Variants in SDK1 observed in about 807,000 individuals in gnomAD.
SDK1 encodes the protein protein sidekick-1.
SDK1 carries 157 observed loss-of-function variants against 245.5 expected under a neutral mutation model. The ratio of observed to expected loss-of-function variants is 0.64; its 90% CI spans 0.56 to 0.73. SDK1 has a LOEUF of 0.73. Ranked by LOEUF, SDK1 falls within the 30% of genes least tolerant of loss-of-function variation. The pLI is 0.00. For missense variants in SDK1, 3,583 were observed against 3,002.3 expected, an observed-to-expected ratio of 1.19 and a Z score of -4.52; for synonymous variants, 1,647 against 1,278.5, an observed-to-expected ratio of 1.29 and a Z score of -6.15.
At chr7:4,096,082 T>C (rs1020501506) in intron 22 of SDK1, among the ~76,000 whole-genome samples, 1 of 152,264 alleles carries the variant, frequency 6.6e-6, no homozygotes, top group African/African-American at 2.4e-5. Flanking sequence ...GCGTCCACTT[T>C]CCTGTGCATG....
rs528584823 is a variant in SDK1, at chr7:4,140,991, G to A, written c.4229-4731G>A. Among the ~76,000 whole-genome samples the A allele has an allele frequency of 8.5e-5, 13 of 152,318 alleles. No individual in the cohort carries two copies. In the East Asian group the frequency reaches 2.3e-3, roughly 27 times the overall value. Reference sequence around the variant, plus strand: ...CCAAGAGATGAGAACTGAGAGTCAGGCAGAGATTAGAATTTGCCTGAGGGC... The same window carrying A: ...CCAAGAGATGAGAACTGAGAGTCAGACAGAGATTAGAATTTGCCTGAGGGC... On this transcript the variant is annotated intron_variant, in intron 28 of 44. Transcript: ENST00000404826.
At chr7:4,214,694 G>C (rs192030550) in intron 38 of SDK1, among the ~76,000 whole-genome samples, 86 of 152,264 alleles carry the variant, frequency 5.6e-4, no homozygotes, top group African/African-American at 2.0e-3. Flanking sequence ...TCCAGACTTC[G>C]GATTCCTGCA....
intron 4 of SDK1, among the ~76,000 whole-genome samples, chr7:3,776,961 A>G (rs2115006721): frequency 6.6e-6 from 1 of 152,266 alleles, no homozygotes; most frequent in East Asian, 1.9e-4. Context: ...ATCCAGGAAG[A>G]AAGATCTGTT....
intron 4 of SDK1, among the ~76,000 whole-genome samples, chr7:3,708,368 C>A (rs28769868): frequency 1.6e-3 from 39 of 24,720 alleles, no homozygotes; most frequent in African/African-American, 6.5e-3. Context: ...CAGTTACCTC[C>A]CACCAGGCCC....
At chr7:3,929,061 G>C (rs1001206702) in intron 5 of SDK1, among the ~76,000 whole-genome samples, 2 of 152,244 alleles carry the variant, frequency 1.3e-5, no homozygotes, top group African/African-American at 4.8e-5. Context: ...CCTTCCCCAT[G>C]TCAACTCTAG....
At chr7:4,207,545 A>G (rs543251189) in intron 36 of SDK1, among the ~76,000 whole-genome samples, 1 of 152,028 alleles carries the variant, frequency 6.6e-6, no homozygotes, top group Non-Finnish European at 1.5e-5. Flanking sequence ...GTTGTTTTTG[A>G]TTGCTTTAAT....
intron 1 of SDK1, among the ~76,000 whole-genome samples, chr7:3,461,507 T>A (rs1780829725): frequency 6.6e-6 from 1 of 152,150 alleles, no homozygotes; most frequent in African/African-American, 2.4e-5. Context: ...AAGAAAATCC[T>A]GAGAACAGAG....
At position 4,173,123 on chromosome 7, in the gene SDK1, C is replaced by T. The variant is rs16871138; in HGVS notation, c.4801-1099C>T. On this transcript the variant is annotated intron_variant, in intron 32 of 44. Coordinates refer to ENST00000404826, the MANE Select transcript of SDK1 (RefSeq NM_152744.4). ...GGGTGCCTCACAGTGAGCCCGACAC[C>T]GGAAGTTCTGTGCACATCCGTCCTC... Among the ~76,000 whole-genome samples, 99 of 152,348 alleles carry T rather than the reference C, an allele frequency of 6.5e-4. 1 individual carries two copies. The East Asian group carries it at 0.016, about 24-fold the overall frequency.
chr7:4,064,080 G>T (rs1208366540), intron 19 of SDK1, among the ~76,000 whole-genome samples: 1 of 152,030 alleles, frequency 6.6e-6, no homozygotes. Context: ...TAGACAAATG[G>T]GACTATATCA....
At chr7:4,238,276 CA>C (rs1213869934) in intron 42 of SDK1, among the ~76,000 whole-genome samples, 1 of 151,776 alleles carries the variant, frequency 6.6e-6, no homozygotes, top group Non-Finnish European at 1.5e-5. Flanking sequence ...GGCGGGGTTT[CA>C]CCATGTTGGC....
chr7:3,520,438 A>G (rs1782899623), intron 1 of SDK1, among the ~76,000 whole-genome samples: 1 of 152,196 alleles, frequency 6.6e-6, no homozygotes, highest in South Asian at 2.1e-4. Context: ...CTCTGTACAC[A>G]GCTGTCGAAC....
intron 4 of SDK1, among the ~76,000 whole-genome samples, chr7:3,812,880 A>C (rs1779419333): frequency 6.6e-6 from 1 of 152,204 alleles, no homozygotes; most frequent in African/African-American, 2.4e-5. Flanking sequence ...ATTAATGAAC[A>C]CAACTCAGCT....
At chr7:3,414,810 A>G (rs1361192093) in intron 1 of SDK1, among the ~76,000 whole-genome samples, 1 of 152,110 alleles carries the variant, frequency 6.6e-6, no homozygotes, top group Non-Finnish European at 1.5e-5. Flanking sequence ...ATTTTTACAA[A>G]TGGAGTCATA....
At chr7:3,311,528 A>G (rs915967616) in intron 1 of SDK1, among the ~76,000 whole-genome samples, 3 of 152,214 alleles carry the variant, frequency 2.0e-5, no homozygotes, top group Non-Finnish European at 4.4e-5. Flanking sequence ...AGTGACAAAA[A>G]TGATCTTAAA....
chr7:3,619,303 C>T, intron 2 of SDK1, 64 bp downstream of exon 2: 1 of 1,417,630 alleles, frequency 7.1e-7, no homozygotes, highest in Non-Finnish European at 9.9e-7. Flanking sequence ...ACTTGCCTTA[C>T]TGGTCATAAT....
chr7:3,419,611 T>G (rs1779481962), intron 1 of SDK1, among the ~76,000 whole-genome samples: 1 of 152,242 alleles, frequency 6.6e-6, no homozygotes, highest in Admixed American at 6.5e-5. Flanking sequence ...GCCTTTTGAA[T>G]GCTGGTCAGG....
chr7:3,790,495 A>G (rs1173448397), intron 4 of SDK1, among the ~76,000 whole-genome samples: 1 of 152,096 alleles, frequency 6.6e-6, no homozygotes, highest in Non-Finnish European at 1.5e-5. Flanking sequence ...AGAGGCAAAT[A>G]CCAGATCACA....
chr7:3,974,583 T>C, intron 13 of SDK1, 38 bp downstream of exon 13: 1 of 1,591,758 alleles, frequency 6.3e-7, no homozygotes, highest in Admixed American at 1.7e-5. Flanking sequence ...CAGTCCGCGG[T>C]TTTCTCCGTT....
At chr7:3,557,223 AAG>A (rs567726941) in intron 1 of SDK1, among the ~76,000 whole-genome samples, 116 of 152,306 alleles carry the variant, frequency 7.6e-4, no homozygotes, top group South Asian at 6.0e-3. Flanking sequence ...TCGAGAGGAA[AAG>A]AGGACACAAA....
Sources: gnomAD v4.1 joint callset for allele counts (sites outside exome capture counted in the v4.1 genomes callset) on GRCh38, gnomAD v4.1.1 for gene constraint, MANE v1.5 for transcripts, NCBI Gene and HGNC (gene_info 2026-07-23, HGNC 2026-07-21) for gene names.